MMP28: variants seen among roughly 807,000 people sequenced by gnomAD.
MMP28 encodes matrix metallopeptidase 28.
Under a neutral mutation model 60.5 loss-of-function variants are expected in MMP28, and 55 were observed. The observed-to-expected ratio is 0.91, with a 90% confidence interval of 0.73 to 1.14. The LOEUF is 1.14. Ranked by LOEUF, MMP28 falls within the 50% of genes most tolerant of loss-of-function variation. The pLI is 0.00. For missense variants in MMP28, 686 were observed against 738.3 expected, an observed-to-expected ratio of 0.93 and a Z score of 0.82; for synonymous variants, 318 against 312.5, an observed-to-expected ratio of 1.02 and a Z score of -0.18.
In MMP28 at chr17:35,779,231, C is replaced by T. The variant is rs754362651; in HGVS notation, c.191+13G>A. 1 of 1,606,804 alleles carries T rather than the reference C, an allele frequency of 6.2e-7. No homozygotes were observed. Among genetic ancestry groups the T allele is most frequent in the Non-Finnish European group, 8.5e-7 (1 of 1,176,666 alleles). On this transcript the variant is annotated intron_variant, in intron 2 of 7. Coordinates refer to ENST00000605424, the MANE Select transcript of MMP28 (RefSeq NM_024302.5). ...CACCCCTACCCCAAGTCCTCCACATCCCTCCACCCTACCTGATGGCATCGC... is the reference window on the plus strand; with the variant it reads ...CACCCCTACCCCAAGTCCTCCACATTCCTCCACCCTACCTGATGGCATCGC...
intron 1 of MMP28, among the ~76,000 whole-genome samples, chr17:35,790,329 T>G (rs749736132): frequency 3.9e-5 from 6 of 152,146 alleles, no homozygotes; most frequent in Non-Finnish European, 5.9e-5. Context: ...CCTCCCAAAG[T>G]GCTGGGATTA....
chr17:35,778,791 T>G, intron 3 of MMP28, 97 bp downstream of exon 3: 1 of 1,606,238 alleles, frequency 6.2e-7, no homozygotes, highest in South Asian at 1.1e-5. Context: ...GAAGAGAGGT[T>G]ACTGACAAAG....
rs987742902 is a variant in MMP28, at chr17:35,766,391, G to A, written c.*109C>T. The A allele has an allele frequency of 8.4e-6, 12 of 1,426,302 alleles. No individual in the cohort carries two copies. The highest frequency in any genetic ancestry group is 3.0e-5 in the South Asian group (2 of 66,180). 88.4% of individuals were successfully genotyped at this position (1,426,302 alleles called of 1,614,324 possible). A position where few individuals can be genotyped will look rare whatever the true frequency, so the allele number is the denominator to read the frequency against. On this transcript the variant is annotated 3_prime_UTR_variant, in exon 8 of 8. Transcript: ENST00000605424. The surrounding 1 kb of genome is among the most constrained non-coding windows in gnomAD (Gnocchi z 4.3). ...CTTCCAGATGGAGGCTTTGCTGCCC[G>A]GTCTTCTGCAGAGGGACTCAGAGGC...
exon 3 of MMP28, chr17:35,756,260 A>G: frequency 3.0e-6 from 1 of 329,950 alleles, no homozygotes. Context: ...CACACAAAAG[A>G]AATGTTTATT....
chr17:35,782,888 G>A (rs1039057898), intron 1 of MMP28, among the ~76,000 whole-genome samples: 19 of 152,090 alleles, frequency 1.2e-4, no homozygotes, highest in African/African-American at 4.1e-4. Flanking sequence ...GTGCAGTGGC[G>A]CCATCTCAGC....
At chr17:35,758,616 C>CG (rs368376501) in intron 2 of MMP28, among the ~76,000 whole-genome samples, 14 of 151,974 alleles carry the variant, frequency 9.2e-5, no homozygotes, top group African/African-American at 3.1e-4. Context: ...TGCTTGAATC[C>CG]GGGGGGCAGA....
chr17:35,764,311 A>G (rs1555602231), downstream of MMP28: 5 of 1,488,004 alleles, frequency 3.4e-6, no homozygotes, highest in South Asian at 2.6e-5. Context: ...GCGGCCTAAC[A>G]GCTCCCACCG....
At chr17:35,763,438 CTT>C (rs782005643), downstream of MMP28, among the ~76,000 whole-genome samples, 901 of 101,470 alleles carry the variant, frequency 8.9e-3, 12 homozygotes, top group African/African-American at 0.034. Context: ...CCATGCCCAG[CTT>C]TTTTTTTTTT....
intron 1 of MMP28, among the ~76,000 whole-genome samples, chr17:35,787,899 CTTTTTT>C (rs532350874): frequency 1.9e-5 from 2 of 104,414 alleles, no homozygotes; most frequent in Admixed American, 1.1e-4. Context: ...TTTTCTTTCC[CTTTTTT>C]TTTTTTTTTT....
In MMP28 at chr17:35,779,082, G is replaced by C; in HGVS notation, c.192-7C>G. ...GGACACCCACTGAAACGCTCTGTCA[G>C]GAGGAAAGGACCGCAAGGGGAGGGT... On this transcript the variant is annotated splice_polypyrimidine_tract_variant and splice_region_variant and intron_variant, in intron 2 of 7. Transcript: ENST00000605424. 6.2e-7 allele frequency: 1 copy of C among 1,613,200 alleles called. No homozygotes were observed. Among genetic ancestry groups the C allele is most frequent in the Non-Finnish European group, 8.5e-7 (1 of 1,179,428 alleles).
intron 1 of MMP28, among the ~76,000 whole-genome samples, chr17:35,793,345 C>T (rs943245444): frequency 1.3e-5 from 2 of 152,126 alleles, no homozygotes; most frequent in Non-Finnish European, 2.9e-5. Context: ...GCCTGGGACC[C>T]GCACTTGCAG....
At chr17:35,794,359 T>G (rs562567564) in intron 1 of MMP28, among the ~76,000 whole-genome samples, 43 of 150,696 alleles carry the variant, frequency 2.9e-4, no homozygotes, top group African/African-American at 1.0e-3. Context: ...GATTCTCCTA[T>G]CTCAGCCTCC....
At chr17:35,778,020 C>G (rs1261432683) in intron 3 of MMP28, among the ~76,000 whole-genome samples, 6 of 152,150 alleles carry the variant, frequency 3.9e-5, no homozygotes, top group Non-Finnish European at 8.8e-5. Flanking sequence ...GAACAAGACT[C>G]TGTCTTTAAA....
intron 2 of MMP28, among the ~76,000 whole-genome samples, chr17:35,757,920 A>T (rs2085758686): frequency 6.6e-6 from 1 of 152,170 alleles, no homozygotes; most frequent in Non-Finnish European, 1.5e-5. Flanking sequence ...CTGAATTGCC[A>T]GGACTATGGG....
intron 1 of MMP28, among the ~76,000 whole-genome samples, chr17:35,793,168 TCA>T (rs780230841): frequency 2.6e-5 from 4 of 152,198 alleles, no homozygotes; most frequent in Non-Finnish European, 5.9e-5. Context: ...TTTCTTGTTC[TCA>T]GAGTTAAAAA....
chr17:35,794,165 T>G (rs990177395), intron 1 of MMP28, among the ~76,000 whole-genome samples: 11 of 152,084 alleles, frequency 7.2e-5, no homozygotes, highest in African/African-American at 2.7e-4. Flanking sequence ...CTGGCCGTAT[T>G]CTTGAGAAGA....
At chr17:35,767,694 G>A in intron 7 of MMP28, 58 bp downstream of exon 7, 1 of 1,540,484 alleles carries the variant, frequency 6.5e-7, no homozygotes. Flanking sequence ...TTTTGACCTT[G>A]GGCAGGACAC....
chr17:35,756,394 C>A (rs1355368962), exon 3 of MMP28: 8 of 985,102 alleles, frequency 8.1e-6, no homozygotes, highest in Non-Finnish European at 9.6e-6. Context: ...TAGTCAATGC[C>A]GATCTCCCAG....
At chr17:35,761,784 C>CAT (rs2085825925), downstream of MMP28, among the ~76,000 whole-genome samples, 4 of 152,286 alleles carry the variant, frequency 2.6e-5, no homozygotes, top group South Asian at 8.3e-4. Flanking sequence ...GTCCAGATTC[C>CAT]ATAGCGCAGC....
Sources: allele counts gnomAD v4.1 joint callset (sites outside exome capture counted in the v4.1 genomes callset), GRCh38; gene constraint gnomAD v4.1.1; non-coding constraint Gnocchi (gnomAD v3.1); transcripts MANE v1.5; gene names NCBI Gene and HGNC (gene_info 2026-07-23, HGNC 2026-07-21).